TOP1: variants seen among roughly 807,000 people sequenced by gnomAD.
TOP1 encodes the protein DNA topoisomerase I.
Under a neutral mutation model 111.1 loss-of-function variants are expected in TOP1, and 10 were observed. That is an observed-to-expected ratio of 0.09 (90% CI 0.06 to 0.15). The LOEUF is 0.15. TOP1 is among the 10% of genes least tolerant of loss of function. The pLI, the probability that TOP1 is intolerant of heterozygous loss-of-function variation, is 1.00. For synonymous variants in TOP1, 271 were observed against 302.9 expected (o/e 0.89, Z 1.10); for missense variants, 474 against 926.7 (o/e 0.51, Z 6.34).
At chr20:41,065,046 G>C (rs983795205) in intron 3 of TOP1, among the ~76,000 whole-genome samples, 1 of 152,058 alleles carries the variant, frequency 6.6e-6, no homozygotes, top group African/African-American at 2.4e-5. Context: ...CTGGGATTAA[G>C]GTGCGTGCCC....
intron 13 of TOP1, among the ~76,000 whole-genome samples, chr20:41,105,058 T>C (rs1163516673): frequency 6.6e-6 from 1 of 152,232 alleles, no homozygotes; most frequent in Non-Finnish European, 1.5e-5. Context: ...TCAATTGTTT[T>C]ATTTCATAAA....
intron 8 of TOP1, among the ~76,000 whole-genome samples, chr20:41,088,614 T>G (rs1411644113): frequency 6.6e-6 from 1 of 152,192 alleles, no homozygotes; most frequent in Non-Finnish European, 1.5e-5. Context: ...ACTCTGTGAC[T>G]GCTGCAGACA....
Position 41,122,949 on chromosome 20 carries a change from G to A in TOP1, c.2196-246G>A, listed in dbSNP as rs150252437. Among the ~76,000 whole-genome samples, 103 of 152,306 alleles carry A rather than the reference G, an allele frequency of 6.8e-4. No individual in the cohort carries two copies. The highest frequency in any genetic ancestry group is 6.8e-3 in the Middle Eastern group (2 of 294). On this transcript the variant is annotated intron_variant, in intron 20 of 20. Transcript: ENST00000361337. This position sits in a 1 kb window ranked among gnomAD's most constrained non-coding sequence, Gnocchi z 5.4. ...TGAGAAAATCAGTAAATTACCTAAC[G>A]TCTCTGCCTCAGTTTCATCTGTACG...
At chr20:41,065,187 G>A (rs929076638) in intron 3 of TOP1, among the ~76,000 whole-genome samples, 1 of 152,168 alleles carries the variant, frequency 6.6e-6, no homozygotes, top group African/African-American at 2.4e-5. Flanking sequence ...TTACAGGTGT[G>A]AGCCACCACG....
chr20:41,116,271 C>T lies in TOP1; in HGVS notation c.1708-7C>T, dbSNP rs757671590. On this transcript the variant is annotated splice_polypyrimidine_tract_variant and splice_region_variant and intron_variant, in intron 16 of 20. Coordinates refer to ENST00000361337, the MANE Select transcript of TOP1 (RefSeq NM_003286.4). This position sits in a 1 kb window ranked among gnomAD's most constrained non-coding sequence, Gnocchi z 5.6. ...TTGACCTAAATCTGTTGCTTTGTCT[C>T]CTCCAGACTGGTATTCTGAATAAGC... The T allele has an allele frequency of 2.5e-6, 4 of 1,603,184 alleles. No individual in the cohort carries two copies. Among genetic ancestry groups the T allele is most frequent in the Non-Finnish European group, 2.6e-6 (3 of 1,171,808 alleles).
intron 2 of TOP1, among the ~76,000 whole-genome samples, chr20:41,031,742 C>G (rs1322954035): frequency 6.6e-6 from 1 of 152,146 alleles, no homozygotes; most frequent in Non-Finnish European, 1.5e-5. Flanking sequence ...GTTGGCCACT[C>G]TAAATCCCAT....
chr20:41,030,602 A>G lies in TOP1; in HGVS notation c.58+1147A>G, dbSNP rs2033107358. Among the ~76,000 whole-genome samples the G allele has an allele frequency of 6.6e-6, 1 of 152,122 alleles. No individual in the cohort carries two copies. The highest frequency in any genetic ancestry group is 2.4e-5 in the African/African-American group (1 of 41,410). ...CCTCCAATAAAAAGCTCATCCTTGC[A>G]GGCTTTCGAACAACCCTGTTGAAGG... On this transcript the variant is annotated intron_variant, in intron 2 of 20. Coordinates refer to ENST00000361337, the MANE Select transcript of TOP1 (RefSeq NM_003286.4). The surrounding 1 kb of genome is among the most constrained non-coding windows in gnomAD (Gnocchi z 4.1).
chr20:41,110,037 A>G lies in TOP1; in HGVS notation c.1309-2745A>G, dbSNP rs944002218. Among the ~76,000 whole-genome samples the G allele has an allele frequency of 5.9e-5, 9 of 152,244 alleles. No homozygotes were observed. The highest frequency in any genetic ancestry group is 1.9e-4 in the African/African-American group (8 of 41,460). On this transcript the variant is annotated intron_variant, in intron 13 of 20. Coordinates refer to ENST00000361337, the MANE Select transcript of TOP1 (RefSeq NM_003286.4). The surrounding 1 kb of genome is among the most constrained non-coding windows in gnomAD (Gnocchi z 4.2). Reference sequence around the variant, plus strand: ...GCGGTTGGTGCATGCCTGTAATCCAAGCACTCTGGGAGGCCAAGGCGGGTG... The same window carrying G: ...GCGGTTGGTGCATGCCTGTAATCCAGGCACTCTGGGAGGCCAAGGCGGGTG...
rs1257115545 is a variant in TOP1, at chr20:41,030,510, AC to A, written c.58+1058del. Reference sequence around the variant, plus strand: ...TTTTCCCAATTCTTTATGTTTTTGAACCCTTTTCAGCCAAATCAAGGCATTT... The same window carrying A: ...TTTTCCCAATTCTTTATGTTTTTGAACCTTTTCAGCCAAATCAAGGCATTT... On this transcript the variant is annotated intron_variant, in intron 2 of 20. Transcript: ENST00000361337. The surrounding 1 kb of genome is among the most constrained non-coding windows in gnomAD (Gnocchi z 4.1). Among the ~76,000 whole-genome samples, 1 of 151,276 alleles carries A rather than the reference AC, an allele frequency of 6.6e-6. No homozygotes were observed.
rs560426782 is a variant in TOP1 at position 41,080,571 on chromosome 20, A to G, written c.431+391A>G. ...CATTCTAAGTGAAGTTTCAGTGTGT[A>G]AAAATAATAAAACTGCTCATAAAAC... On this transcript the variant is annotated intron_variant, in intron 6 of 20. Coordinates refer to ENST00000361337, the MANE Select transcript of TOP1 (RefSeq NM_003286.4). The surrounding 1 kb of genome is among the most constrained non-coding windows in gnomAD (Gnocchi z 5.0). 1.3e-5 allele frequency among the ~76,000 whole-genome samples: 2 copies of G among 152,344 alleles called. No individual in the cohort carries two copies. The highest frequency in any genetic ancestry group is 3.9e-4 in the East Asian group (2 of 5,192).
chr20:41,084,537 C>T lies in TOP1; in HGVS notation c.583C>T (p.Pro195Ser). ...TGAGCCAGATAACAAGAAAAAGAAGCCGAAGAAAGAAGAGGAACAGAAGTG... is the reference window on the plus strand; with the variant it reads ...TGAGCCAGATAACAAGAAAAAGAAGTCGAAGAAAGAAGAGGAACAGAAGTG... ...VPEPDNKKKK[P>S]KKEEEQKWKW... Residue 195 changes from proline to serine, a missense_variant, in exon 8 of 21, where the codon CCG (proline) becomes TCG (serine). Pro to Ser is a moderately conservative substitution (Grantham distance 74). Around this residue, in one of 14 missense-constraint regions of TOP1, gnomAD observed 185 missense variants for 226.3 expected, o/e 0.82. Transcript: ENST00000361337. The T allele has an allele frequency of 6.4e-7, 1 of 1,572,036 alleles. No individual in the cohort carries two copies. Among genetic ancestry groups the T allele is most frequent in the Non-Finnish European group, 8.6e-7 (1 of 1,157,010 alleles).
In TOP1 at chr20:41,041,903, G is replaced by GATT. The variant is rs1415884752; in HGVS notation, c.58+12450_58+12451insTAT. Among the ~76,000 whole-genome samples the GATT allele has an allele frequency of 2.8e-4, 42 of 149,520 alleles. 1 individual carries two copies. Among genetic ancestry groups the GATT allele is most frequent in the South Asian group, 1.9e-3 (9 of 4,796 alleles). On this transcript the variant is annotated intron_variant, in intron 2 of 20. Coordinates refer to ENST00000361337, the MANE Select transcript of TOP1 (RefSeq NM_003286.4). Reference sequence around the variant, plus strand: ...CTTACAGGGTGATGATGATGATGATGATGATTATTATTATTATTATTTGGA... The same window carrying GATT: ...CTTACAGGGTGATGATGATGATGATGATTATGATTATTATTATTATTATTTGGA...
intron 3 of TOP1, among the ~76,000 whole-genome samples, 167 bp from the exon 4 acceptor site, chr20:41,076,004 C>A (rs1026488512): frequency 6.6e-6 from 1 of 152,150 alleles, no homozygotes; most frequent in African/African-American, 2.4e-5. Context: ...AAACATCAAA[C>A]AAGATAAAGT....
chr20:41,033,920 A>C (rs1277932959), intron 2 of TOP1, among the ~76,000 whole-genome samples: 1 of 152,110 alleles, frequency 6.6e-6, no homozygotes, highest in Non-Finnish European at 1.5e-5. Context: ...TTCAAATGTA[A>C]TTAGTTTGAA....
intron 3 of TOP1, among the ~76,000 whole-genome samples, chr20:41,075,211 G>A (rs946448324): frequency 3.3e-5 from 5 of 151,870 alleles, no homozygotes; most frequent in South Asian, 2.1e-4. Flanking sequence ...TCGCTCTTTC[G>A]CCCAGGCTGG....
At chr20:41,059,267 A>C (rs1245735630) in intron 2 of TOP1, among the ~76,000 whole-genome samples, 1 of 151,930 alleles carries the variant, frequency 6.6e-6, no homozygotes, top group Non-Finnish European at 1.5e-5. Flanking sequence ...ACAAACCTCC[A>C]TGACACGAGT....
intron 2 of TOP1, among the ~76,000 whole-genome samples, chr20:41,059,528 C>T (rs1346140449): frequency 1.3e-5 from 2 of 151,674 alleles, no homozygotes; most frequent in African/African-American, 4.8e-5. Flanking sequence ...ATTGCTTGAG[C>T]CCAGGAGTTC....
Position 41,109,576 on chromosome 20 carries a change from C to G in TOP1, c.1309-3206C>G, listed in dbSNP as rs1190022434. Among the ~76,000 whole-genome samples, 2 of 152,132 alleles carry G rather than the reference C, an allele frequency of 1.3e-5. No individual in the cohort carries two copies. The highest frequency in any genetic ancestry group is 2.9e-5 in the Non-Finnish European group (2 of 68,006). ...CATGTTTATCTGAAAGGGCTTATAT[C>G]CAGACTATACAAAGAATTCCTGTAG... On this transcript the variant is annotated intron_variant, in intron 13 of 20. Transcript: ENST00000361337. This position sits in a 1 kb window ranked among gnomAD's most constrained non-coding sequence, Gnocchi z 4.1.
chr20:41,032,229 A>G lies in TOP1; in HGVS notation c.58+2774A>G, dbSNP rs1227189269. Reference sequence around the variant, plus strand: ...TTTGCCTGCCCTCATCCCCTAAGATATAAAAGATTCCCCCCCGTCCCCCCA... The same window carrying G: ...TTTGCCTGCCCTCATCCCCTAAGATGTAAAAGATTCCCCCCCGTCCCCCCA... On this transcript the variant is annotated intron_variant, in intron 2 of 20. Transcript: ENST00000361337. This position sits in a 1 kb window ranked among gnomAD's most constrained non-coding sequence, Gnocchi z 4.3. 6.6e-6 allele frequency among the ~76,000 whole-genome samples: 1 copy of G among 152,176 alleles called. No homozygotes were observed. The highest frequency in any genetic ancestry group is 1.5e-5 in the Non-Finnish European group (1 of 68,034).
Sources: allele counts gnomAD v4.1 joint callset (sites outside exome capture counted in the v4.1 genomes callset), GRCh38; gene constraint gnomAD v4.1.1; regional missense constraint gnomAD v4.1.1; non-coding constraint Gnocchi (gnomAD v3.1); transcripts MANE v1.5; gene names NCBI Gene and HGNC (gene_info 2026-07-23, HGNC 2026-07-21).